The following PTCHD4 variants were observed in gnomAD, a reference collection of about 807,000 sequenced individuals.
The protein encoded by PTCHD4 is patched domain-containing protein 4.
In PTCHD4, 33 loss-of-function variants were observed where a neutral mutation model predicts 58.1. The observed-to-expected ratio is 0.57, with a 90% confidence interval of 0.43 to 0.76. PTCHD4 has a LOEUF of 0.76. PTCHD4 is among the 30% of genes least tolerant of loss of function. The pLI, the probability that PTCHD4 is intolerant of heterozygous loss-of-function variation, is 0.00. For synonymous variants in PTCHD4, 478 were observed against 409.6 expected (o/e 1.17, Z -2.02); for missense variants, 1,058 against 1,027.1 (o/e 1.03, Z -0.41).
In PTCHD4 at chr6:47,890,908, T is replaced by C. The variant is rs1219766190; in HGVS notation, c.899-10972A>G. Reference sequence around the variant, plus strand: ...CTCTGTACCTTCCATGCTTTTCAAGTTTTCGAAAATGAATATGGGCCGTTC... The same window carrying C: ...CTCTGTACCTTCCATGCTTTTCAAGCTTTCGAAAATGAATATGGGCCGTTC... On this transcript the variant is annotated intron_variant, in intron 4 of 4. Transcript: ENST00000339488. 3 of 984,090 alleles carry C rather than the reference T, an allele frequency of 3.0e-6. No individual in the cohort carries two copies. The African/African-American group carries it at 5.3e-5, about 17-fold the overall frequency. 61.0% of individuals were successfully genotyped at this position (984,090 alleles called of 1,614,324 possible).
chr6:48,011,048 T>A (rs1347504320), intron 3 of PTCHD4, among the ~76,000 whole-genome samples: 1 of 152,232 alleles, frequency 6.6e-6, no homozygotes, highest in Non-Finnish European at 1.5e-5. Flanking sequence ...TACGTGTGCA[T>A]GTGTCTTTAC....
intron 4 of PTCHD4, among the ~76,000 whole-genome samples, chr6:48,005,876 C>A (rs148318676): frequency 1.3e-5 from 2 of 152,288 alleles, no homozygotes; most frequent in East Asian, 3.9e-4. Flanking sequence ...AAAGGGATGT[C>A]ACAGAACTGC....
At position 47,864,019 on chromosome 6, in the gene PTCHD4, C is replaced by G. The variant is rs1005854650; in HGVS notation, c.*14284G>C. On this transcript the variant is annotated 3_prime_UTR_variant, in exon 5 of 5. Coordinates refer to ENST00000339488, the MANE Select transcript of PTCHD4 (RefSeq NM_001384253.1). ...AGCTGACCTTTGTCCTCACCTTCTT[C>G]CCTGGACAGATTTAATCCAACTATT... Among the ~76,000 whole-genome samples the G allele has an allele frequency of 2.6e-5, 4 of 151,958 alleles. No homozygotes were observed. Among genetic ancestry groups the G allele is most frequent in the African/African-American group, 7.2e-5 (3 of 41,392 alleles).
chr6:47,957,253 A>G (rs542012657), intron 4 of PTCHD4, among the ~76,000 whole-genome samples: 130 of 148,028 alleles, frequency 8.8e-4, no homozygotes, highest in Admixed American at 3.9e-3. Context: ...TAAGGTTTAT[A>G]TATATATAAT....
intron 4 of PTCHD4, among the ~76,000 whole-genome samples, chr6:47,937,150 A>C (rs1766031775): frequency 1.3e-5 from 2 of 152,228 alleles, no homozygotes; most frequent in South Asian, 4.1e-4. Flanking sequence ...GGGTAAAATC[A>C]GAATCAACTA....
At chr6:47,951,520 G>T (rs1766650594) in intron 4 of PTCHD4, among the ~76,000 whole-genome samples, 1 of 152,144 alleles carries the variant, frequency 6.6e-6, no homozygotes, top group Non-Finnish European at 1.5e-5. Context: ...AAGGGACCCA[G>T]ATTTTTATTT....
At chr6:47,952,049 G>A (rs1475287142) in intron 4 of PTCHD4, among the ~76,000 whole-genome samples, 1 of 152,030 alleles carries the variant, frequency 6.6e-6, no homozygotes, top group Non-Finnish European at 1.5e-5. Context: ...ATATAGGAGA[G>A]GACGGCTCAG....
intron 3 of PTCHD4, among the ~76,000 whole-genome samples, chr6:48,055,082 A>C (rs183504292): frequency 6.6e-6 from 1 of 152,282 alleles, no homozygotes; most frequent in East Asian, 1.9e-4. Context: ...TGTGTTACCC[A>C]CTTCATCATT....
At chr6:48,036,767 G>A (rs771645360) in intron 3 of PTCHD4, among the ~76,000 whole-genome samples, 3 of 152,060 alleles carry the variant, frequency 2.0e-5, no homozygotes, top group Non-Finnish European at 4.4e-5. Flanking sequence ...CACATGCTAA[G>A]GTCTCTAAGA....
intron 4 of PTCHD4, among the ~76,000 whole-genome samples, chr6:47,912,520 T>C (rs1318324629): frequency 1.3e-5 from 2 of 152,144 alleles, no homozygotes; most frequent in Non-Finnish European, 2.9e-5. Context: ...TGCTCTCCTC[T>C]CTACATGTCC....
intron 3 of PTCHD4, among the ~76,000 whole-genome samples, chr6:48,016,584 A>G (rs934003683): frequency 2.0e-5 from 3 of 151,992 alleles, no homozygotes; most frequent in Non-Finnish European, 2.9e-5. Context: ...TCTCACGGCC[A>G]TAAATCATCT....
At chr6:47,895,948 G>A (rs1449430955) in intron 4 of PTCHD4, among the ~76,000 whole-genome samples, 3 of 152,118 alleles carry the variant, frequency 2.0e-5, no homozygotes, top group Non-Finnish European at 2.9e-5. Flanking sequence ...TGAAACCAAA[G>A]CCTGTGCCTT....
intron 4 of PTCHD4, among the ~76,000 whole-genome samples, chr6:47,997,150 C>A (rs1056534015): frequency 2.0e-5 from 3 of 152,114 alleles, no homozygotes; most frequent in African/African-American, 7.2e-5. Flanking sequence ...AGTCTCACCC[C>A]AAAACCTACA....
chr6:47,953,305 G>C (rs558210209), intron 4 of PTCHD4, among the ~76,000 whole-genome samples: 2 of 152,186 alleles, frequency 1.3e-5, no homozygotes, highest in East Asian at 3.9e-4. Context: ...TTTTTAAAAA[G>C]TTAACCACCT....
chr6:47,974,284 G>A (rs894447997), intron 4 of PTCHD4, among the ~76,000 whole-genome samples: 5 of 152,174 alleles, frequency 3.3e-5, no homozygotes, highest in African/African-American at 1.2e-4. Context: ...CTTTGTCCCA[G>A]AGCCAAACTC....
intron 4 of PTCHD4, among the ~76,000 whole-genome samples, chr6:47,953,048 T>C (rs1766713354): frequency 9.0e-6 from 1 of 111,720 alleles, no homozygotes; most frequent in South Asian, 3.2e-4. Flanking sequence ...TAAACTACTG[T>C]AGAAAAACAT....
chr6:47,999,991 G>T (rs1768657168), intron 4 of PTCHD4, among the ~76,000 whole-genome samples: 2 of 152,104 alleles, frequency 1.3e-5, no homozygotes, highest in African/African-American at 4.8e-5. Flanking sequence ...CGTGCTGTTG[G>T]CTAGCCAATA....
chr6:47,919,705 A>G (rs778770013), intron 4 of PTCHD4, among the ~76,000 whole-genome samples: 1 of 152,174 alleles, frequency 6.6e-6, no homozygotes, highest in Non-Finnish European at 1.5e-5. Context: ...GCAACCATTA[A>G]AAGGCTTTAA....
intron 4 of PTCHD4, among the ~76,000 whole-genome samples, chr6:47,958,994 C>A (rs1242254337): frequency 1.3e-5 from 2 of 152,066 alleles, no homozygotes; most frequent in African/African-American, 4.8e-5. Context: ...GTCTCAATAA[C>A]AATCATAGAC....
Sources: allele counts gnomAD v4.1 joint callset (sites outside exome capture counted in the v4.1 genomes callset), GRCh38; gene constraint gnomAD v4.1.1; transcripts MANE v1.5; gene names NCBI Gene and HGNC (gene_info 2026-07-23, HGNC 2026-07-21).